The following FHIT variants were observed in gnomAD, a reference collection of about 807,000 sequenced individuals.
FHIT encodes fragile histidine triad diadenosine triphosphatase.
FHIT carries 19 observed loss-of-function variants against 17.9 expected under a neutral mutation model. The observed-to-expected ratio is 1.06, with a 90% CI of 0.74 to 1.56. The LOEUF (loss-of-function observed/expected upper bound fraction) is 1.56, where lower values mean the gene tolerates loss of function less well. Ranked by LOEUF, FHIT falls within the 40% of genes most tolerant of loss-of-function variation. FHIT has a pLI of 0.00. For missense variants in FHIT, 248 were observed against 189.2 expected, an observed-to-expected ratio of 1.31 and a Z score of -1.82; for synonymous variants, 81 against 69.7, an observed-to-expected ratio of 1.16 and a Z score of -0.81.
rs377701405 is a variant in FHIT, at chr3:60,800,684, G to C, written c.-18+21235C>G. 9.6e-4 allele frequency among the ~76,000 whole-genome samples: 146 copies of C among 152,310 alleles called. 4 individuals are homozygous for C. In the South Asian group the frequency reaches 0.029, roughly 30 times the overall value. On this transcript the variant is annotated intron_variant, in intron 4 of 9. Coordinates refer to ENST00000492590, the MANE Select transcript of FHIT (RefSeq NM_002012.4). ...CAGGAGAAACCTATGGGGAAATGAG[G>C]GAGTAGGATGGGCCAGGGAAGAAGC...
intron 3 of FHIT, among the ~76,000 whole-genome samples, chr3:60,991,527 A>G (rs2030214373): frequency 6.6e-6 from 1 of 152,206 alleles, no homozygotes; most frequent in South Asian, 2.1e-4. Context: ...CAAAGATAGC[A>G]TTTCCCTTAC....
intron 4 of FHIT, among the ~76,000 whole-genome samples, chr3:60,812,507 A>G (rs1317769845): frequency 6.6e-6 from 1 of 152,112 alleles, no homozygotes; most frequent in Non-Finnish European, 1.5e-5. Context: ...TTTCAGGTTT[A>G]ATAATTTATA....
intron 5 of FHIT, among the ~76,000 whole-genome samples, chr3:60,508,903 C>A (rs1447914156): frequency 6.6e-6 from 1 of 152,112 alleles, no homozygotes; most frequent in East Asian, 1.9e-4. Context: ...AAAACTAATT[C>A]TACACCTGGC....
At chr3:60,771,317 A>G (rs991797936) in intron 4 of FHIT, among the ~76,000 whole-genome samples, 2 of 152,202 alleles carry the variant, frequency 1.3e-5, no homozygotes, top group African/African-American at 4.8e-5. Flanking sequence ...CTGTTCAACA[A>G]TCATTTTGTC....
intron 5 of FHIT, among the ~76,000 whole-genome samples, chr3:60,058,553 TTTATG>T (rs1377374385): frequency 1.3e-5 from 2 of 152,184 alleles, no homozygotes; most frequent in Non-Finnish European, 2.9e-5. Flanking sequence ...CATGCTAAAT[TTTATG>T]TTATGTGTAG....
Position 59,824,013 on chromosome 3 carries a change from T to G in FHIT, c.349-71692A>C, listed in dbSNP as rs1166342876. Among the ~76,000 whole-genome samples, 4 of 152,174 alleles carry G rather than the reference T, an allele frequency of 2.6e-5. No individual in the cohort carries two copies. The South Asian group carries it at 6.2e-4, about 24-fold the overall frequency. On this transcript the variant is annotated intron_variant, in intron 8 of 9. Transcript: ENST00000492590. ...ATTCAACAAAGTTTCAAGATAGAAA[T>G]TAACGTACACAAATCAGTAGCTCTG...
At chr3:60,034,393 G>A (rs767427746) in intron 5 of FHIT, among the ~76,000 whole-genome samples, 4 of 152,080 alleles carry the variant, frequency 2.6e-5, no homozygotes, top group South Asian at 2.1e-4. Flanking sequence ...AGACTAAAAC[G>A]TCACAGGAAT....
intron 2 of FHIT, among the ~76,000 whole-genome samples, chr3:61,042,698 G>C (rs769518280): frequency 1.3e-5 from 2 of 152,008 alleles, no homozygotes; most frequent in Non-Finnish European, 2.9e-5. Context: ...AAATTAGCTA[G>C]GTGTGGTCGT....
chr3:60,832,743 TG>T (rs1702375747), intron 3 of FHIT, among the ~76,000 whole-genome samples: 1 of 151,992 alleles, frequency 6.6e-6, no homozygotes, highest in Middle Eastern at 3.2e-3. Flanking sequence ...GTTTTCAATC[TG>T]GAAGAAATTC....
At chr3:59,894,762 T>C (rs745398939) in intron 8 of FHIT, among the ~76,000 whole-genome samples, 3 of 152,228 alleles carry the variant, frequency 2.0e-5, no homozygotes, top group Non-Finnish European at 4.4e-5. Context: ...AAACAATCAC[T>C]TGGACTTCTC....
intron 5 of FHIT, among the ~76,000 whole-genome samples, chr3:60,082,889 GTTTGCAAATAT>G (rs1703350484): frequency 6.6e-6 from 1 of 152,114 alleles, no homozygotes; most frequent in African/African-American, 2.4e-5. Context: ...CAGATGCATA[GTTTGCAAATAT>G]TTTCTCCCAT....
At chr3:61,013,226 T>C (rs1375236163) in intron 3 of FHIT, among the ~76,000 whole-genome samples, 2 of 152,206 alleles carry the variant, frequency 1.3e-5, no homozygotes, top group African/African-American at 4.8e-5. Flanking sequence ...TTATTATTTC[T>C]GGAATTAGAA....
chr3:61,218,149 G>A (rs888240979), intron 1 of FHIT, among the ~76,000 whole-genome samples: 1 of 152,178 alleles, frequency 6.6e-6, no homozygotes, highest in East Asian at 1.9e-4. Flanking sequence ...TGTGAATATG[G>A]ATGTGACTGT....
chr3:60,324,964 G>A (rs1380102853), intron 5 of FHIT, among the ~76,000 whole-genome samples: 1 of 151,912 alleles, frequency 6.6e-6, no homozygotes, highest in Non-Finnish European at 1.5e-5. Flanking sequence ...ATGATAATGA[G>A]CATTCTAGAT....
intron 5 of FHIT, among the ~76,000 whole-genome samples, chr3:60,069,166 A>G (rs1576023342): frequency 2.0e-5 from 3 of 152,222 alleles, no homozygotes; most frequent in Admixed American, 6.5e-5. Context: ...CAGTGCTTGG[A>G]AAGATACACA....
At chr3:59,967,573 T>C (rs751259839) in intron 7 of FHIT, among the ~76,000 whole-genome samples, 31 of 152,140 alleles carry the variant, frequency 2.0e-4, no homozygotes, top group Non-Finnish European at 4.1e-4. Flanking sequence ...GCATGACTAC[T>C]ATAACCTTAC....
At chr3:60,960,207 G>A (rs1709352522) in intron 3 of FHIT, among the ~76,000 whole-genome samples, 1 of 152,124 alleles carries the variant, frequency 6.6e-6, no homozygotes, top group South Asian at 2.1e-4. Flanking sequence ...AATATCCCAT[G>A]AGGGTCTCCA....
At chr3:60,240,961 T>C (rs2107572878) in intron 5 of FHIT, among the ~76,000 whole-genome samples, 1 of 152,260 alleles carries the variant, frequency 6.6e-6, no homozygotes, top group Non-Finnish European at 1.5e-5. Context: ...AAGGAAACTA[T>C]TTCAGAACTT....
intron 8 of FHIT, among the ~76,000 whole-genome samples, chr3:59,858,139 A>T (rs1702248901): frequency 6.6e-6 from 1 of 152,190 alleles, no homozygotes; most frequent in Non-Finnish European, 1.5e-5. Flanking sequence ...TGCCCATTCA[A>T]CATATGTGTG....
Sources: allele counts gnomAD v4.1 joint callset (sites outside exome capture counted in the v4.1 genomes callset), GRCh38; gene constraint gnomAD v4.1.1; transcripts MANE v1.5; gene names NCBI Gene and HGNC (gene_info 2026-07-23, HGNC 2026-07-21).